LARGE1: variants seen among roughly 807,000 people sequenced by gnomAD.
The protein encoded by LARGE1 is xylosyl- and glucuronyltransferase LARGE1.
In LARGE1, 43 loss-of-function variants were observed where a neutral mutation model predicts 87.6. The observed-to-expected ratio is 0.49, with a 90% CI of 0.38 to 0.63. LARGE1 has a LOEUF of 0.63. Among genes scored for constraint, LARGE1 ranks in the 30% least tolerant of loss-of-function variants. LARGE1 has a pLI of 0.00. For missense variants in LARGE1, 802 were observed against 1,000.2 expected, an observed-to-expected ratio of 0.80 and a Z score of 2.67; for synonymous variants, 434 against 394.6, an observed-to-expected ratio of 1.10 and a Z score of -1.18.
intron 5 of LARGE1, among the ~76,000 whole-genome samples, chr22:33,600,916 T>C (rs1023649018): frequency 1.3e-5 from 2 of 152,000 alleles, no homozygotes; most frequent in Non-Finnish European, 2.9e-5. Flanking sequence ...AATATAAAAA[T>C]TAGCTGGGCC....
chr22:33,103,432 C>CAAAAAAAAAAAAAAA, the LARGE1 span, among the ~76,000 whole-genome samples: 22 of 33,810 alleles, frequency 6.5e-4, no homozygotes, highest in Non-Finnish European at 8.9e-4. Flanking sequence ...GACTCTGTCT[C>CAAAAAAAAAAAAAAA]AAAAAAAAAA....
intron 3 of LARGE1, among the ~76,000 whole-genome samples, chr22:33,632,552 A>G (rs1003674603): frequency 0.012 from 3 of 256 alleles, no homozygotes; most frequent in Admixed American, 0.091. Flanking sequence ...CAGGGGCCCA[A>G]TCACACAAGT....
At chr22:33,337,341 T>C (rs893544573) in intron 10 of LARGE1, among the ~76,000 whole-genome samples, 6 of 152,210 alleles carry the variant, frequency 3.9e-5, no homozygotes, top group South Asian at 4.1e-4. Flanking sequence ...TTCCTGGCTA[T>C]GAGAGACACT....
intron 6 of LARGE1, among the ~76,000 whole-genome samples, chr22:33,453,448 AC>A (rs1392031378): frequency 6.6e-6 from 1 of 152,084 alleles, no homozygotes; most frequent in East Asian, 1.9e-4. Context: ...TTCACTCTTA[AC>A]TTGGACAGCT....
rs2085127574 is a variant in LARGE1, at chr22:33,773,221, T to G, written c.-82-11663A>C. Among the ~76,000 whole-genome samples, 9 of 152,360 alleles carry G rather than the reference T, an allele frequency of 5.9e-5. No homozygotes were observed. In the South Asian group the frequency reaches 1.9e-3, roughly 32 times the overall value. ...CCTCCCTGAAGGTGATCCTCTGGCCTGTCAAACTGGCACTTCCTAATGGCA... is the reference window on the plus strand; with the variant it reads ...CCTCCCTGAAGGTGATCCTCTGGCCGGTCAAACTGGCACTTCCTAATGGCA... On this transcript the variant is annotated intron_variant, in intron 1 of 14. Transcript: ENST00000397394.
chr22:33,274,707 C>T, intron 14 of LARGE1, 83 bp from the exon 15 acceptor site: 2 of 1,215,668 alleles, frequency 1.6e-6, no homozygotes, highest in Non-Finnish European at 2.4e-6. Flanking sequence ...GATTGAATGG[C>T]TAGTGAATGA....
intron 5 of LARGE1, among the ~76,000 whole-genome samples, chr22:33,587,766 A>T (rs1007251596): frequency 6.6e-5 from 10 of 151,792 alleles, no homozygotes; most frequent in African/African-American, 2.4e-4. Flanking sequence ...TTAGGCACAC[A>T]GAAACCTTCC....
intron 1 of LARGE1, among the ~76,000 whole-genome samples, chr22:33,831,749 T>TACACACACACACACACACAC (rs5845118): frequency 6.8e-6 from 1 of 146,760 alleles, no homozygotes; most frequent in African/African-American, 2.5e-5. Flanking sequence ...CACATGCATG[T>TACACACACACACACACACAC]ACACACACAC....
intron 2 of LARGE1, among the ~76,000 whole-genome samples, chr22:33,693,659 C>T (rs1000888578): frequency 5.2e-4 from 79 of 152,046 alleles, no homozygotes; most frequent in African/African-American, 1.9e-3. Context: ...CCCGTCTCTA[C>T]TAAAGATACA....
At chr22:33,785,188 CATATATGTGTATACAT>C (rs2085590047) in intron 1 of LARGE1, among the ~76,000 whole-genome samples, 1 of 143,662 alleles carries the variant, frequency 7.0e-6, no homozygotes, top group Admixed American at 6.9e-5. Flanking sequence ...TGTGTATATA[CATATATGTGTATACAT>C]ACATATGTGT....
At chr22:33,735,554 G>A (rs889382294) in intron 2 of LARGE1, among the ~76,000 whole-genome samples, 2 of 152,108 alleles carry the variant, frequency 1.3e-5, no homozygotes, top group Non-Finnish European at 2.9e-5. Context: ...GGAAAGGGAG[G>A]GTTGAAAGAA....
intron 6 of LARGE1, among the ~76,000 whole-genome samples, chr22:33,536,981 T>C (rs1264729950): frequency 6.6e-6 from 1 of 152,186 alleles, no homozygotes; most frequent in African/African-American, 2.4e-5. Context: ...CTGGCTAATT[T>C]TGTATTTTTA....
rs116849069 is a variant in LARGE1, at chr22:33,354,449, T to C, written c.1132-16648A>G. On this transcript the variant is annotated intron_variant, in intron 9 of 14. Transcript: ENST00000397394. ...TACACTATAAAGAAATCAATTTACCTTGTTAGTTGATATAAACAAGAATTA... is the reference window on the plus strand; with the variant it reads ...TACACTATAAAGAAATCAATTTACCCTGTTAGTTGATATAAACAAGAATTA... Among the ~76,000 whole-genome samples the C allele has an allele frequency of 4.2e-3, 635 of 152,370 alleles. 7 individuals carry two copies. The highest frequency in any genetic ancestry group is 0.019 in the East Asian group (101 of 5,192).
intron 12 of LARGE1, among the ~76,000 whole-genome samples, chr22:33,302,541 G>T (rs1934298339): frequency 6.6e-6 from 1 of 152,114 alleles, no homozygotes; most frequent in Admixed American, 6.5e-5. Context: ...GGGCACGGAG[G>T]GTATGCAGGC....
chr22:33,422,805 C>G (rs948305270), intron 7 of LARGE1, among the ~76,000 whole-genome samples: 1 of 152,080 alleles, frequency 6.6e-6, no homozygotes, highest in Non-Finnish European at 1.5e-5. Flanking sequence ...AGAACTCACT[C>G]ACTATCATGA....
rs190184646 is a variant in LARGE1 at position 33,618,005 on chromosome 22, A to G, written c.491+8239T>C. The stretch of plus-strand genomic sequence containing the variant: ...AGGGCCTGTTTTCATTAAAATATAC[A>G]AGGACATTTGAGCTGAAATAATCTT... On this transcript the variant is annotated intron_variant, in intron 4 of 14. Coordinates refer to ENST00000397394, the MANE Select transcript of LARGE1 (RefSeq NM_133642.5). Among the ~76,000 whole-genome samples, 463 of 152,352 alleles carry G rather than the reference A, an allele frequency of 3.0e-3. 2 individuals carry two copies. Among genetic ancestry groups the G allele is most frequent in the African/African-American group, 0.011 (439 of 41,584 alleles).
chr22:33,298,554 G>A (rs1461133137), intron 12 of LARGE1, among the ~76,000 whole-genome samples: 4 of 152,194 alleles, frequency 2.6e-5, no homozygotes, highest in African/African-American at 9.6e-5. Flanking sequence ...CAGCCATGGT[G>A]GCTCACGCCT....
At chr22:33,448,031 T>C (rs2067758822) in intron 6 of LARGE1, among the ~76,000 whole-genome samples, 1 of 151,740 alleles carries the variant, frequency 6.6e-6, no homozygotes, top group South Asian at 2.1e-4. Flanking sequence ...TTTCACGTGA[T>C]ATATTCGGAA....
At chr22:33,431,914 G>C (rs1188000224) in intron 7 of LARGE1, among the ~76,000 whole-genome samples, 2 of 152,226 alleles carry the variant, frequency 1.3e-5, no homozygotes, top group Non-Finnish European at 2.9e-5. Flanking sequence ...ATAGGATCTG[G>C]ATTAGAGGTC....
Sources: gnomAD v4.1 joint callset for allele counts (sites outside exome capture counted in the v4.1 genomes callset) on GRCh38, gnomAD v4.1.1 for gene constraint, MANE v1.5 for transcripts, NCBI Gene and HGNC (gene_info 2026-07-23, HGNC 2026-07-21) for gene names.